The following ZC3HAV1 variants were observed in gnomAD, a reference collection of about 807,000 sequenced individuals.
ZC3HAV1 encodes zinc finger CCCH-type containing, antiviral 1.
ZC3HAV1 carries 41 observed loss-of-function variants against 86.6 expected under a neutral mutation model. The ratio of observed to expected loss-of-function variants is 0.47; its 90% CI spans 0.37 to 0.61. The LOEUF (loss-of-function observed/expected upper bound fraction) is 0.61. Among genes scored for constraint, ZC3HAV1 ranks in the 20% least tolerant of loss-of-function variants. The probability of loss-of-function intolerance (pLI) is 0.00; values close to 1 mark genes in which losing one functional copy is unlikely to be tolerated. For synonymous variants in ZC3HAV1, 421 were observed against 432.1 expected, an observed-to-expected ratio of 0.97 and a Z score of 0.32; for missense variants, 964 against 1,141.1, an observed-to-expected ratio of 0.84 and a Z score of 2.24.
chr7:139,106,120 G>C (rs1817929056), intron 1 of ZC3HAV1, among the ~76,000 whole-genome samples: 1 of 151,898 alleles, frequency 6.6e-6, no homozygotes, highest in South Asian at 2.1e-4. Context: ...AATTTAGATA[G>C]ACCAAATAAT....
intron 3 of ZC3HAV1, among the ~76,000 whole-genome samples, chr7:139,080,689 G>A (rs1018769755): frequency 8.5e-5 from 13 of 152,108 alleles, no homozygotes; most frequent in South Asian, 4.1e-4. Flanking sequence ...GACAGTCCCC[G>A]GCTCTCTTCT....
chr7:139,060,847 A>G, intron 9 of ZC3HAV1, 189 bp downstream of exon 9: 2 of 1,502,896 alleles, frequency 1.3e-6, no homozygotes, highest in South Asian at 2.4e-5. Context: ...TTTCCGATCT[A>G]GTATCCTTTC....
intron 11 of ZC3HAV1, 108 bp downstream of exon 11, chr7:139,053,857 G>C: frequency 8.0e-7 from 1 of 1,248,610 alleles, no homozygotes; most frequent in Non-Finnish European, 1.1e-6. Context: ...AGCGCCTAAA[G>C]GAACTGTTAA....
At chr7:139,076,018 T>A (rs560116490) in intron 6 of ZC3HAV1, among the ~76,000 whole-genome samples, 1 of 152,288 alleles carries the variant, frequency 6.6e-6, no homozygotes, top group South Asian at 2.1e-4. Flanking sequence ...AAACAAATAA[T>A]CATGTCACTG....
At chr7:139,097,594 T>C (rs62485915) in intron 1 of ZC3HAV1, among the ~76,000 whole-genome samples, 36,948 of 148,250 alleles carry the variant, frequency 0.25, 4,826 homozygotes, top group East Asian at 0.42. Flanking sequence ...GCCACCACGC[T>C]CGGCTAATTT....
chr7:139,047,306 A>G lies in ZC3HAV1; in HGVS notation c.*288T>C, dbSNP rs5022944. On this transcript the variant is annotated 3_prime_UTR_variant, in exon 13 of 13. Transcript: ENST00000242351. ...ATCGCGCCACTGCACTCCAGCCTGGACGATGGAGTGAGATTCAGTCTCAAA... is the reference window on the plus strand; with the variant it reads ...ATCGCGCCACTGCACTCCAGCCTGGGCGATGGAGTGAGATTCAGTCTCAAA... 146,247 of 313,166 alleles carry G rather than the reference A, an allele frequency of 0.47. 36,198 individuals carry two copies. Among genetic ancestry groups the G allele is most frequent in the Non-Finnish European group, 0.49 (82,866 of 170,110 alleles). 19.4% of individuals were successfully genotyped at this position (313,166 alleles called of 1,614,324 possible). A position where few individuals can be genotyped will look rare whatever the true frequency, so the allele number is the denominator to read the frequency against.
intron 4 of ZC3HAV1, chr7:139,078,983 C>T (rs1326046271): frequency 2.9e-6 from 4 of 1,392,878 alleles, no homozygotes; most frequent in Non-Finnish European, 3.8e-6. Flanking sequence ...CACCCCATAA[C>T]CAAAACCCTC....
chr7:139,079,215 G>A (rs1037712114), intron 4 of ZC3HAV1: 5 of 1,536,444 alleles, frequency 3.3e-6, no homozygotes, highest in Non-Finnish European at 3.5e-6. Flanking sequence ...CTTGAGGAAA[G>A]GGCAGCAGGT....
chr7:139,049,314 A>G (rs1190798544), intron 12 of ZC3HAV1: 1 of 151,646 alleles, frequency 6.6e-6, no homozygotes, highest in African/African-American at 2.4e-5. Flanking sequence ...TGTGGTTTTA[A>G]TTTGCGTTTG....
intron 12 of ZC3HAV1, among the ~76,000 whole-genome samples, chr7:139,050,525 G>A (rs145155362): frequency 7.9e-4 from 120 of 152,004 alleles, no homozygotes; most frequent in Non-Finnish European, 1.4e-3. Flanking sequence ...GTGCCACCAC[G>A]CCCAGCTAAC....
At chr7:139,060,453 C>G (rs1816409776) in intron 9 of ZC3HAV1, 8 of 990,194 alleles carry the variant, frequency 8.1e-6, no homozygotes, top group African/African-American at 3.5e-5. Context: ...CACCAAAACC[C>G]TTGCTCTAAC....
At chr7:139,054,532 T>C (rs931479417) in intron 10 of ZC3HAV1, among the ~76,000 whole-genome samples, 2 of 152,236 alleles carry the variant, frequency 1.3e-5, no homozygotes, top group African/African-American at 4.8e-5. Flanking sequence ...TTGACTCCCA[T>C]AGAAACTTGT....
intron 1 of ZC3HAV1, among the ~76,000 whole-genome samples, chr7:139,101,714 C>A (rs1458659839): frequency 6.6e-6 from 1 of 151,212 alleles, no homozygotes; most frequent in Non-Finnish European, 1.5e-5. Context: ...TTACCCCCAA[C>A]CCTGTGCTCT....
chr7:139,078,033 G>T (rs946456420), intron 5 of ZC3HAV1, among the ~76,000 whole-genome samples: 1 of 152,192 alleles, frequency 6.6e-6, no homozygotes, highest in South Asian at 2.1e-4. Flanking sequence ...GAGGTCAGGA[G>T]TTCAAGACCA....
intron 12 of ZC3HAV1, among the ~76,000 whole-genome samples, chr7:139,053,122 G>A (rs58113645): frequency 0.027 from 4,068 of 152,180 alleles, 58 homozygotes; most frequent in African/African-American, 0.048. Flanking sequence ...GCATGGACAT[G>A]GGTTCAGGAA....
intron 2 of ZC3HAV1, among the ~76,000 whole-genome samples, chr7:139,084,745 C>T (rs1817228285): frequency 6.6e-6 from 1 of 152,204 alleles, no homozygotes. Flanking sequence ...GTTAAGCAGA[C>T]TAAATAGCAA....
At chr7:139,072,103 C>T (rs551745258) in intron 7 of ZC3HAV1, among the ~76,000 whole-genome samples, 1 of 152,244 alleles carries the variant, frequency 6.6e-6, no homozygotes, top group Admixed American at 6.5e-5. Flanking sequence ...TCAGTTTTTG[C>T]CATTAAAAGT....
rs546413952 is a variant in ZC3HAV1 at position 139,101,857 on chromosome 7, G to A, written c.308+7167C>T. ...CACTCCCTAATCTCAAGTACCCAGGGACACAAACACTGCGGAAGGCCGCAG... is the reference window on the plus strand; with the variant it reads ...CACTCCCTAATCTCAAGTACCCAGGAACACAAACACTGCGGAAGGCCGCAG... On this transcript the variant is annotated intron_variant, in intron 1 of 12. Transcript: ENST00000242351. Among the ~76,000 whole-genome samples the A allele has an allele frequency of 2.0e-5, 3 of 152,022 alleles. No homozygotes were observed. In the East Asian group the frequency reaches 5.9e-4, roughly 30 times the overall value.
chr7:139,070,027 T>A (rs973879137), intron 7 of ZC3HAV1, among the ~76,000 whole-genome samples: 1 of 152,084 alleles, frequency 6.6e-6, no homozygotes, highest in East Asian at 1.9e-4. Context: ...TCAAATCTCC[T>A]GGAAACATTA....
Sources: allele counts gnomAD v4.1 joint callset (sites outside exome capture counted in the v4.1 genomes callset), GRCh38; gene constraint gnomAD v4.1.1; transcripts MANE v1.5; gene names NCBI Gene and HGNC (gene_info 2026-07-23, HGNC 2026-07-21).